The following PTPRT variants were observed in gnomAD, a reference collection of about 807,000 sequenced individuals.
PTPRT encodes the protein protein tyrosine phosphatase receptor type T.
A neutral mutation model predicts 176.8 loss-of-function variants in PTPRT; 56 were observed. The ratio of observed to expected loss-of-function variants is 0.32; its 90% CI spans 0.26 to 0.40. The LOEUF (loss-of-function observed/expected upper bound fraction) is 0.40. PTPRT is among the 10% of genes least tolerant of loss of function. PTPRT has a pLI of 1.00. For missense variants in PTPRT, 1,540 were observed against 1,908.2 expected, an observed-to-expected ratio of 0.81 and a Z score of 3.60; for synonymous variants, 783 against 739.0, an observed-to-expected ratio of 1.06 and a Z score of -0.96.
intron 2 of PTPRT, among the ~76,000 whole-genome samples, chr20:42,828,060 C>T (rs984939884): frequency 6.6e-6 from 1 of 152,112 alleles, no homozygotes; most frequent in Non-Finnish European, 1.5e-5. Context: ...GAGATTGGAA[C>T]AGTTTGGAGG....
chr20:42,793,568 G>A (rs11698606), intron 2 of PTPRT, among the ~76,000 whole-genome samples: 12,756 of 152,248 alleles, frequency 0.084, 555 homozygotes, highest in South Asian at 0.19. Flanking sequence ...ACAAAGGTGC[G>A]GGTGTCTTTG....
intron 6 of PTPRT, among the ~76,000 whole-genome samples, chr20:42,701,803 C>G (rs574070323): frequency 9.2e-5 from 14 of 152,206 alleles, no homozygotes; most frequent in African/African-American, 3.4e-4. Context: ...TCATAGTCCT[C>G]ACACTAAGTA....
intron 2 of PTPRT, among the ~76,000 whole-genome samples, chr20:42,818,532 A>C (rs2077832467): frequency 6.6e-6 from 1 of 152,246 alleles, no homozygotes; most frequent in Non-Finnish European, 1.5e-5. Flanking sequence ...AACTGGATGG[A>C]GGATCAGACA....
chr20:42,391,447 C>T (rs1157522675), intron 9 of PTPRT, among the ~76,000 whole-genome samples: 2 of 152,156 alleles, frequency 1.3e-5, no homozygotes, highest in Non-Finnish European at 2.9e-5. Context: ...GAGCCATAGC[C>T]AATGTCCTGG....
chr20:42,223,431 C>T (rs1309589318), intron 15 of PTPRT, among the ~76,000 whole-genome samples: 3 of 152,286 alleles, frequency 2.0e-5, no homozygotes, highest in Non-Finnish European at 4.4e-5. Context: ...ATGCTCTTTT[C>T]GCTACAATGC....
In PTPRT at chr20:42,869,689, T is replaced by A. The variant is rs375140639; in HGVS notation, c.214+16118A>T. On this transcript the variant is annotated intron_variant, in intron 2 of 30. Coordinates refer to ENST00000373187, the MANE Select transcript of PTPRT (RefSeq NM_007050.6). ...TTACACTTTAAAGCTGATACAGGAG[T>A]AAGACTTCTGGGGCTATTGAGATGG... Among the ~76,000 whole-genome samples the A allele has an allele frequency of 6.6e-5, 10 of 152,224 alleles. No homozygotes were observed. In the South Asian group the frequency reaches 2.1e-3, roughly 32 times the overall value.
chr20:43,181,755 T>C (rs994283845), intron 1 of PTPRT, among the ~76,000 whole-genome samples: 1 of 152,152 alleles, frequency 6.6e-6, no homozygotes, highest in African/African-American at 2.4e-5. Context: ...CAGATTCCGA[T>C]GTTCCCACAA....
chr20:42,892,750 G>A (rs2079217189), intron 1 of PTPRT, among the ~76,000 whole-genome samples: 1 of 152,170 alleles, frequency 6.6e-6, no homozygotes, highest in Non-Finnish European at 1.5e-5. Context: ...CCTGGGGTGG[G>A]GGAAGGGACT....
chr20:42,316,034 T>C (rs776584797), intron 11 of PTPRT, 38 bp from the exon 12 acceptor site: 1 of 1,604,342 alleles, frequency 6.2e-7, no homozygotes, highest in Non-Finnish European at 8.5e-7. Context: ...GTTGAGCAAC[T>C]TTCTGGAAGA....
chr20:42,482,449 G>A (rs1490582988), intron 7 of PTPRT, among the ~76,000 whole-genome samples: 1 of 152,204 alleles, frequency 6.6e-6, no homozygotes, highest in Non-Finnish European at 1.5e-5. Context: ...CAAAAGTAAA[G>A]CACTGGACAG....
intron 7 of PTPRT, among the ~76,000 whole-genome samples, chr20:42,570,049 A>T (rs1255174534): frequency 1.3e-5 from 2 of 152,182 alleles, no homozygotes; most frequent in African/African-American, 2.4e-5. Flanking sequence ...GTCTGTCTCT[A>T]AAGCAGACAG....
intron 1 of PTPRT, among the ~76,000 whole-genome samples, chr20:43,043,882 A>G (rs533361063): frequency 1.3e-5 from 2 of 152,234 alleles, no homozygotes; most frequent in African/African-American, 4.8e-5. Flanking sequence ...AAGGCTGGGA[A>G]GTGGGTAAGA....
At chr20:42,050,757 T>A in the PTPRT span, among the ~76,000 whole-genome samples, 23 of 151,678 alleles carry the variant, frequency 1.5e-4, no homozygotes, top group Non-Finnish European at 3.1e-4. Flanking sequence ...CGGAGGCGGG[T>A]GAGGAGTGAA....
chr20:42,761,831 G>C (rs908113807), intron 5 of PTPRT, among the ~76,000 whole-genome samples: 7 of 152,248 alleles, frequency 4.6e-5, no homozygotes, highest in African/African-American at 1.7e-4. Context: ...CTTTGCTGAG[G>C]GGCTGAGTTA....
intron 2 of PTPRT, among the ~76,000 whole-genome samples, chr20:42,806,246 G>A (rs1420700969): frequency 2.0e-5 from 3 of 152,060 alleles, no homozygotes; most frequent in African/African-American, 4.8e-5. Context: ...AGCACTTTGG[G>A]AGTCCAAGGC....
intron 7 of PTPRT, among the ~76,000 whole-genome samples, chr20:42,669,494 G>A (rs1031322171): frequency 6.6e-6 from 1 of 152,140 alleles, no homozygotes; most frequent in Admixed American, 6.5e-5. Context: ...CAGAGATGGA[G>A]GTTAGATGTC....
intron 9 of PTPRT, among the ~76,000 whole-genome samples, chr20:42,398,640 TGGAA>T (rs1438081314): frequency 2.6e-5 from 4 of 152,194 alleles, no homozygotes; most frequent in African/African-American, 9.7e-5. Flanking sequence ...ATTAAAATTC[TGGAA>T]GGAAGTCATC....
At chr20:42,620,462 GCT>G in intron 7 of PTPRT, among the ~76,000 whole-genome samples, 1 of 149,170 alleles carries the variant, frequency 6.7e-6, no homozygotes, top group African/African-American at 2.6e-5. Flanking sequence ...GCTGTGGTGG[GCT>G]CCACCCAGTT....
chr20:42,630,735 T>C (rs1303292044), intron 7 of PTPRT, among the ~76,000 whole-genome samples: 1 of 152,192 alleles, frequency 6.6e-6, no homozygotes, highest in Non-Finnish European at 1.5e-5. Flanking sequence ...ACAGGTGGCA[T>C]GGAAACAAAG....
Sources: allele counts gnomAD v4.1 joint callset (sites outside exome capture counted in the v4.1 genomes callset), GRCh38; gene constraint gnomAD v4.1.1; transcripts MANE v1.5; gene names NCBI Gene and HGNC (gene_info 2026-07-23, HGNC 2026-07-21).